The following L3MBTL4 variants were observed in gnomAD, a reference collection of about 807,000 sequenced individuals.
The protein encoded by L3MBTL4 is L3MBTL histone methyl-lysine binding protein 4.
A neutral mutation model predicts 84.5 loss-of-function variants in L3MBTL4; 70 were observed. The ratio of observed to expected loss-of-function variants is 0.83; its 90% confidence interval spans 0.68 to 1.01. L3MBTL4 has a LOEUF of 1.01. Among genes scored for constraint, L3MBTL4 ranks in the 50% least tolerant of loss-of-function variants. The probability of loss-of-function intolerance (pLI) is 0.00; values close to 1 mark genes in which losing one functional copy is unlikely to be tolerated. For missense variants in L3MBTL4, 715 were observed against 754.8 expected, an observed-to-expected ratio of 0.95 and a Z score of 0.62; for synonymous variants, 274 against 259.8, an observed-to-expected ratio of 1.05 and a Z score of -0.52.
At chr18:6,176,226 A>AAAATGACCTAGCTTTT (rs1310212693) in intron 12 of L3MBTL4, among the ~76,000 whole-genome samples, 7 of 152,172 alleles carry the variant, frequency 4.6e-5, no homozygotes, top group African/African-American at 1.7e-4. Context: ...AAAGGAATGA[A>AAAATGACCTAGCTTTT]AAATGACCTA....
At chr18:6,326,560 C>T (rs74936497) in intron 1 of L3MBTL4, 153 of 152,326 alleles carry the variant, frequency 1.0e-3, no homozygotes, top group African/African-American at 3.6e-3. Context: ...GGAGGATCTG[C>T]CTCCTGGAAA....
At chr18:6,288,626 T>G (rs892375419) in intron 4 of L3MBTL4, among the ~76,000 whole-genome samples, 143 of 152,168 alleles carry the variant, frequency 9.4e-4, no homozygotes, top group African/African-American at 3.3e-3. Context: ...AACAGTTGTC[T>G]TCTGAGTTAT....
chr18:6,350,891 C>T (rs542470930), intron 1 of L3MBTL4, among the ~76,000 whole-genome samples: 1 of 152,240 alleles, frequency 6.6e-6, no homozygotes, highest in East Asian at 1.9e-4. Context: ...ATTATTCAGC[C>T]TTAAAAAATG....
intron 16 of L3MBTL4, among the ~76,000 whole-genome samples, chr18:5,970,262 AG>A (rs2052574158): frequency 6.6e-6 from 1 of 152,258 alleles, no homozygotes; most frequent in Non-Finnish European, 1.5e-5. Context: ...TTTTCTGAGC[AG>A]CTCTGAATGT....
At chr18:6,407,175 T>A (rs1336528255) in intron 1 of L3MBTL4, among the ~76,000 whole-genome samples, 2 of 152,190 alleles carry the variant, frequency 1.3e-5, no homozygotes, top group African/African-American at 2.4e-5. Context: ...CCCTAAAGAT[T>A]ACTAATGATC....
At chr18:6,260,843 T>C (rs915234207) in intron 5 of L3MBTL4, 1 of 152,244 alleles carries the variant, frequency 6.6e-6, no homozygotes, top group African/African-American at 2.4e-5. Context: ...ACAATGTCAA[T>C]ATAAAATTGA....
At chr18:6,047,638 T>A (rs2056679909) in intron 16 of L3MBTL4, among the ~76,000 whole-genome samples, 1 of 151,962 alleles carries the variant, frequency 6.6e-6, no homozygotes, top group Non-Finnish European at 1.5e-5. Flanking sequence ...TAAACAGAAT[T>A]AAAAACAAAA....
intron 16 of L3MBTL4, among the ~76,000 whole-genome samples, chr18:6,051,873 G>A (rs1017561468): frequency 6.6e-6 from 1 of 152,202 alleles, no homozygotes; most frequent in Non-Finnish European, 1.5e-5. Flanking sequence ...GGCAGGATGA[G>A]TGTTAATAGT....
chr18:6,260,775 C>T (rs192894492), intron 5 of L3MBTL4: 142 of 152,244 alleles, frequency 9.3e-4, no homozygotes, highest in Admixed American at 8.8e-3. Flanking sequence ...AGCTGGCTGA[C>T]CTGAACAACA....
intron 12 of L3MBTL4, among the ~76,000 whole-genome samples, chr18:6,191,597 G>C (rs2045093993): frequency 6.6e-6 from 1 of 152,150 alleles, no homozygotes. Context: ...ACATATAGGT[G>C]ATATTTAAAG....
chr18:6,191,445 C>T (rs2045082030), intron 12 of L3MBTL4, among the ~76,000 whole-genome samples: 1 of 152,042 alleles, frequency 6.6e-6, no homozygotes, highest in South Asian at 2.1e-4. Flanking sequence ...ATGGCCATTG[C>T]TTGAGATGGA....
chr18:6,161,336 G>T (rs1316545143), intron 13 of L3MBTL4, among the ~76,000 whole-genome samples: 1 of 152,152 alleles, frequency 6.6e-6, no homozygotes, highest in Non-Finnish European at 1.5e-5. Flanking sequence ...ATACAAAATT[G>T]GACTCTTTTC....
chr18:6,323,687 T>C (rs763073700), intron 1 of L3MBTL4, among the ~76,000 whole-genome samples: 2 of 152,222 alleles, frequency 1.3e-5, no homozygotes, highest in African/African-American at 4.8e-5. Flanking sequence ...CCTATGCTCA[T>C]ATGTGTGAGC....
intron 14 of L3MBTL4, among the ~76,000 whole-genome samples, chr18:6,113,769 C>A (rs1273846089): frequency 6.6e-6 from 1 of 152,196 alleles, no homozygotes; most frequent in African/African-American, 2.4e-5. Context: ...AACTTGAGTT[C>A]ATGGCTATAC....
chr18:6,281,210 C>A (rs1177044641), intron 4 of L3MBTL4, among the ~76,000 whole-genome samples: 2 of 152,130 alleles, frequency 1.3e-5, no homozygotes, highest in African/African-American at 4.8e-5. Context: ...ATTAGTTTAA[C>A]ATAATAGTTG....
At chr18:5,988,547 C>G (rs781224205) in intron 16 of L3MBTL4, among the ~76,000 whole-genome samples, 1 of 152,124 alleles carries the variant, frequency 6.6e-6, no homozygotes, top group Non-Finnish European at 1.5e-5. Flanking sequence ...TTAGCTAACT[C>G]TTTTTTTCTG....
At chr18:6,019,487 C>T (rs893585063) in intron 16 of L3MBTL4, among the ~76,000 whole-genome samples, 1 of 152,102 alleles carries the variant, frequency 6.6e-6, no homozygotes, top group Admixed American at 6.6e-5. Context: ...CTTTTTTCTT[C>T]GTTCGTCTTC....
At chr18:6,092,109 G>A (rs991888646) in intron 15 of L3MBTL4, among the ~76,000 whole-genome samples, 1 of 152,172 alleles carries the variant, frequency 6.6e-6, no homozygotes, top group Non-Finnish European at 1.5e-5. Context: ...TAAAAATAGA[G>A]AAGCATGTGT....
intron 12 of L3MBTL4, among the ~76,000 whole-genome samples, chr18:6,176,938 C>T (rs960517946): frequency 2.0e-5 from 3 of 152,184 alleles, no homozygotes; most frequent in African/African-American, 7.2e-5. Context: ...TGAATTACTA[C>T]CGCATACCCA....
Sources: allele counts gnomAD v4.1 joint callset (sites outside exome capture counted in the v4.1 genomes callset), GRCh38; gene constraint gnomAD v4.1.1; transcripts MANE v1.5; gene names NCBI Gene and HGNC (gene_info 2026-07-23, HGNC 2026-07-21).